The following FNTB variants were observed in gnomAD, a reference collection of about 807,000 sequenced individuals.
FNTB encodes farnesyltransferase, CAAX box, subunit beta.
A neutral mutation model predicts 59.4 loss-of-function variants in FNTB; 27 were observed. The ratio of observed to expected loss-of-function variants is 0.45; its 90% CI spans 0.34 to 0.63. The LOEUF (loss-of-function observed/expected upper bound fraction) is 0.63, where lower values mean the gene tolerates loss of function less well. Among genes scored for constraint, FNTB ranks in the 20% least tolerant of loss-of-function variants. The pLI, the probability that FNTB is intolerant of heterozygous loss-of-function variation, is 0.02. For missense variants in FNTB, 449 were observed against 559.6 expected (o/e 0.80, Z 1.99); for synonymous variants, 230 against 220.7 (o/e 1.04, Z -0.37).
intron 11 of FNTB, among the ~76,000 whole-genome samples, chr14:65,056,008 C>T (rs980785503): frequency 6.6e-6 from 1 of 152,186 alleles, no homozygotes; most frequent in Non-Finnish European, 1.5e-5. Context: ...CCTCCTTCTC[C>T]AGAGGTAACC....
intron 1 of FNTB, among the ~76,000 whole-genome samples, chr14:64,995,839 C>T (rs1644047825): frequency 6.6e-6 from 1 of 151,520 alleles, no homozygotes; most frequent in Non-Finnish European, 1.5e-5. Context: ...CACAGAAACA[C>T]CTAGCCTGGG....
chr14:65,017,352 G>A (rs1170925006), intron 4 of FNTB, among the ~76,000 whole-genome samples: 3 of 152,128 alleles, frequency 2.0e-5, no homozygotes, highest in Non-Finnish European at 4.4e-5. Flanking sequence ...TTGGGTGTGA[G>A]AGAAGAAAGA....
At chr14:64,989,564 TTACCTGCTTCC>T (rs1888103726) in intron 1 of FNTB, among the ~76,000 whole-genome samples, 1 of 152,114 alleles carries the variant, frequency 6.6e-6, no homozygotes, top group African/African-American at 2.4e-5. Flanking sequence ...TAAATGCTTG[TTACCTGCTTCC>T]TATCTGATTA....
At chr14:65,037,937 A>G (rs1303575997) in intron 7 of FNTB, among the ~76,000 whole-genome samples, 1 of 151,108 alleles carries the variant, frequency 6.6e-6, no homozygotes, top group African/African-American at 2.4e-5. Flanking sequence ...GCGCCACGAC[A>G]CCCAGCTAAT....
chr14:65,056,096 A>T (rs2062730931), intron 11 of FNTB, among the ~76,000 whole-genome samples: 1 of 152,286 alleles, frequency 6.6e-6, no homozygotes, highest in South Asian at 2.1e-4. Context: ...TATAAGCAAT[A>T]TATAGTTTTT....
At chr14:65,053,092 G>A (rs1378667057) in intron 9 of FNTB, 146 bp from the exon 10 acceptor site, 2 of 499,262 alleles carry the variant, frequency 4.0e-6, no homozygotes, top group East Asian at 3.6e-5. Flanking sequence ...GTAGGACATG[G>A]GGAAGATAGC....
intron 1 of FNTB, among the ~76,000 whole-genome samples, chr14:64,993,062 C>T (rs570151140): frequency 6.6e-5 from 10 of 152,230 alleles, no homozygotes; most frequent in Admixed American, 3.3e-4. Flanking sequence ...GTCCCGAACT[C>T]GAGCTATCCG....
chr14:65,053,284 C>T lies in FNTB; in HGVS notation c.1002C>T (p.Ala334=), dbSNP rs778365077. The T allele has an allele frequency of 1.4e-6, 2 of 1,466,296 alleles. No individual in the cohort carries two copies. The highest frequency in any genetic ancestry group is 1.8e-6 in the Non-Finnish European group (2 of 1,100,972). 90.8% of individuals were successfully genotyped at this position (1,466,296 alleles called of 1,614,324 possible). The change falls in exon 10 of 12, where the codon GCC becomes GCT. Residue 334 remains alanine, a synonymous_variant. Coordinates refer to ENST00000246166, the MANE Select transcript of FNTB (RefSeq NM_002028.4). ...GCCACTGGATGTTCCATCAGCAGGC[C>T]CTGCAGGAGTACATCCTGATGTGCT... ...SMSHWMFHQQ[A]LQEYILMCCQ... is the part of the protein sequence containing the mutation.
intron 1 of FNTB, among the ~76,000 whole-genome samples, chr14:64,999,074 C>T (rs1272615409): frequency 9.2e-5 from 14 of 152,174 alleles, no homozygotes; most frequent in Admixed American, 9.2e-4. Context: ...AGAAGCCAGC[C>T]ACAAAAGACC....
chr14:65,002,241 C>T lies in FNTB; in HGVS notation c.145-2008C>T, dbSNP rs528443719. ...ACCAGACGCTCCCTCATTACTATACCTTGTATACAGGAGCTCTCCCATGAG... is the reference window on the plus strand; with the variant it reads ...ACCAGACGCTCCCTCATTACTATACTTTGTATACAGGAGCTCTCCCATGAG... On this transcript the variant is annotated intron_variant, in intron 1 of 11. Transcript: ENST00000246166. Among the ~76,000 whole-genome samples the T allele has an allele frequency of 2.6e-5, 4 of 152,336 alleles. No individual in the cohort carries two copies. In the East Asian group the frequency reaches 7.7e-4, roughly 29 times the overall value.
At chr14:65,034,773 T>C (rs2062152893) in intron 7 of FNTB, among the ~76,000 whole-genome samples, 1 of 152,240 alleles carries the variant, frequency 6.6e-6, no homozygotes, top group Admixed American at 6.5e-5. Context: ...GTCTGGGAAT[T>C]TCCACATCTG....
intron 9 of FNTB, among the ~76,000 whole-genome samples, chr14:65,051,525 C>T (rs1377337784): frequency 1.3e-5 from 2 of 151,616 alleles, no homozygotes; most frequent in Admixed American, 6.6e-5. Context: ...GCAGGACAAT[C>T]GCTTGAACCC....
At chr14:64,998,416 T>G (rs1014105451) in intron 1 of FNTB, among the ~76,000 whole-genome samples, 3 of 151,932 alleles carry the variant, frequency 2.0e-5, no homozygotes, top group Non-Finnish European at 4.4e-5. Flanking sequence ...TATATAATTC[T>G]TTTAAGATAA....
chr14:65,060,733 C>G (rs1002333342), intron 11 of FNTB, among the ~76,000 whole-genome samples: 1 of 139,196 alleles, frequency 7.2e-6, no homozygotes, highest in Non-Finnish European at 1.6e-5. Flanking sequence ...ATTACCCAGG[C>G]GTGGTGGCTC....
rs1042148985 is a variant in FNTB at position 65,061,570 on chromosome 14, C to T, written c.*258C>T. On this transcript the variant is annotated 3_prime_UTR_variant, in exon 12 of 12. Transcript: ENST00000246166. ...GGTGTGGTTGGTGAACAGTGCATGC[C>T]AGGAGGAAGCAGTCCCTCCTCACCA... 4.9e-6 allele frequency: 2 copies of T among 404,580 alleles called. No individual in the cohort carries two copies. Among genetic ancestry groups the T allele is most frequent in the African/African-American group, 4.0e-5 (2 of 49,822 alleles). The allele number at this position is 404,580 out of a possible 1,614,324, so 25.1% of individuals were successfully genotyped here. A position where few individuals can be genotyped will look rare whatever the true frequency, so the allele number is the denominator to read the frequency against.
At chr14:64,987,696 G>A (rs1308826585) in intron 1 of FNTB, 1 of 154,704 alleles carries the variant, frequency 6.5e-6, no homozygotes, top group Non-Finnish European at 1.4e-5. Context: ...AGCCTGGTTG[G>A]GGGACAGGCA....
chr14:65,006,370 G>T, intron 2 of FNTB: 1 of 1,558,768 alleles, frequency 6.4e-7, no homozygotes, highest in Non-Finnish European at 8.7e-7. Flanking sequence ...TTAACCCAAT[G>T]CTCTGACCTC....
At chr14:65,021,023 C>T (rs1012481465) in intron 4 of FNTB, among the ~76,000 whole-genome samples, 2 of 152,230 alleles carry the variant, frequency 1.3e-5, no homozygotes, top group African/African-American at 4.8e-5. Context: ...AGCCACCGCA[C>T]CCGGCCTAGC....
At chr14:65,015,995 G>T (rs1043648593) in intron 4 of FNTB, among the ~76,000 whole-genome samples, 3 of 152,192 alleles carry the variant, frequency 2.0e-5, no homozygotes, top group Admixed American at 1.3e-4. Flanking sequence ...TTTGAGAAAA[G>T]TCTTAATCAT....
Sources: gnomAD v4.1 joint callset for allele counts (sites outside exome capture counted in the v4.1 genomes callset) on GRCh38, gnomAD v4.1.1 for gene constraint, MANE v1.5 for transcripts, NCBI Gene and HGNC (gene_info 2026-07-23, HGNC 2026-07-21) for gene names.